F13B: variants seen among roughly 807,000 people sequenced by gnomAD.
The protein encoded by F13B is TGase.
F13B carries 58 observed loss-of-function variants against 79.8 expected under a neutral mutation model. The ratio of observed to expected loss-of-function variants is 0.73; its 90% CI spans 0.59 to 0.90. The LOEUF (loss-of-function observed/expected upper bound fraction) is 0.90, where lower values mean the gene tolerates loss of function less well. F13B is among the 40% of genes least tolerant of loss of function. The probability of loss-of-function intolerance (pLI) is 0.00; values close to 1 mark genes in which losing one functional copy is unlikely to be tolerated. For synonymous variants in F13B, 283 were observed against 260.3 expected (o/e 1.09, Z -0.84); for missense variants, 773 against 777.0 (o/e 0.99, Z 0.06).
At position 197,039,380 on chromosome 1, in the gene F13B, A is replaced by G. The variant is rs760327325; in HGVS notation, c.1984T>C (p.Ter662GlnextTer2). Residue 662 changes from the stop codon to glutamine (Q), a stop_lost, in exon 12 of 12, where the codon TAG (stop) becomes CAG (glutamine). Transcript: ENST00000367412. ...ACTCCTCTTTCTGCCATTCATTTCT[A>G]TGTTCTTAAGGGTTCTTGATAAGAC... ...TLSYQEPLRT[*>Q] 8.7e-6 allele frequency: 14 copies of G among 1,609,986 alleles called. No individual in the cohort carries two copies. The highest frequency in any genetic ancestry group is 4.5e-5 in the East Asian group (2 of 44,664).
At chr1:197,058,672 ATAGT>A (rs1480248942) in intron 5 of F13B, among the ~76,000 whole-genome samples, 1 of 152,170 alleles carries the variant, frequency 6.6e-6, no homozygotes, top group Non-Finnish European at 1.5e-5. Context: ...GTCTGGATAG[ATAGT>A]TCCAGATAAT....
At chr1:197,040,312 G>T in intron 11 of F13B, 1 of 499,220 alleles carries the variant, frequency 2.0e-6, no homozygotes, top group Non-Finnish European at 3.6e-6. Flanking sequence ...AATGGCAAAC[G>T]TTGCTTTCAC....
rs780516724 is a variant in F13B at position 197,040,739 on chromosome 1, G to A, written c.1739-4C>T. The A allele has an allele frequency of 3.1e-6, 5 of 1,595,774 alleles. No individual in the cohort carries two copies. The South Asian group carries it at 4.5e-5, about 14-fold the overall frequency. The stretch of plus-strand genomic sequence containing the variant: ...GTAAAAGATAATGTGCATGGCTCTG[G>A]GAACAACAATTTAAAAAAAAAGAAA... On this transcript the variant is annotated splice_polypyrimidine_tract_variant and splice_region_variant and intron_variant, in intron 10 of 11. Transcript: ENST00000367412.
intron 10 of F13B, among the ~76,000 whole-genome samples, chr1:197,048,132 T>TTA (rs17514725): frequency 0.011 from 1,651 of 149,390 alleles, 33 homozygotes; most frequent in African/African-American, 0.036. Flanking sequence ...ACTTAAAATA[T>TTA]TATATATATA....
chr1:197,048,691 T>C (rs1655329893), intron 10 of F13B, among the ~76,000 whole-genome samples: 1 of 152,114 alleles, frequency 6.6e-6, no homozygotes, highest in Non-Finnish European at 1.5e-5. Context: ...GACTTTAACA[T>C]GCTTCTCTCC....
intron 10 of F13B, among the ~76,000 whole-genome samples, chr1:197,041,295 G>T (rs547428192): frequency 6.6e-6 from 1 of 152,166 alleles, no homozygotes; most frequent in African/African-American, 2.4e-5. Context: ...GGATTAAGAC[G>T]TTTTAAATTC....
intron 9 of F13B, 36 bp downstream of exon 9, chr1:197,052,598 A>G (rs1392865849): frequency 6.8e-7 from 1 of 1,469,378 alleles, no homozygotes. Flanking sequence ...GATATTGGTC[A>G]AGTAAAGATA....
intron 2 of F13B, among the ~76,000 whole-genome samples, chr1:197,062,501 A>C (rs1241820083): frequency 6.6e-6 from 1 of 152,176 alleles, no homozygotes; most frequent in East Asian, 1.9e-4. Context: ...TTGCCCTTCC[A>C]GAGGCCAGAG....
Position 197,060,918 on chromosome 1 carries a change from A to T in F13B, c.609T>A (p.Ser203=), listed in dbSNP as rs1236044704. 6.2e-7 allele frequency: 1 copy of T among 1,613,124 alleles called. No homozygotes were observed. Among genetic ancestry groups the T allele is most frequent in the Non-Finnish European group, 8.5e-7 (1 of 1,179,366 alleles). Reference sequence around the variant, plus strand: ...ACCTACTGGTACATTTTGGTGTGAGAGACCATCCGTATGTGAGACATTCTA... The same window carrying T: ...ACCTACTGGTACATTTTGGTGTGAGTGACCATCCGTATGTGAGACATTCTA... ...EEVECLTYGW[S]LTPKCTKLKC... The change falls in exon 4 of 12, where the codon TCT becomes TCA. Residue 203 remains serine (S), a synonymous_variant. Transcript: ENST00000367412.
intron 1 of F13B, among the ~76,000 whole-genome samples, chr1:197,065,248 C>T (rs1443183231): frequency 6.6e-6 from 1 of 152,152 alleles, no homozygotes; most frequent in Non-Finnish European, 1.5e-5. Flanking sequence ...GCTTTAAAGA[C>T]TCTCTGTCCT....
At position 197,060,405 on chromosome 1, in the gene F13B, A is replaced by T. The variant is rs760431630; in HGVS notation, c.766T>A (p.Tyr256Asn). Residue 256 changes from tyrosine (Y) to asparagine (N), a missense_variant, in exon 5 of 12, where the codon TAT becomes AAT. By Grantham distance (143) the Tyr-to-Asn change is moderately radical. Transcript: ENST00000367412. ...YLSGSDLIQC[Y>N]NFGWYPESPV... is the part of the protein sequence containing the mutation. ...GATTCTGGGTACCAACCAAAGTTAT[A>T]GCATTGAATTAAATCAGATCCACTT... 1 of 1,612,604 alleles carries T rather than the reference A, an allele frequency of 6.2e-7. No homozygotes were observed. Among genetic ancestry groups the T allele is most frequent in the Admixed American group, 1.7e-5 (1 of 59,924 alleles).
At position 197,059,201 on chromosome 1, in the gene F13B, G is replaced by A. The variant is rs574238572; in HGVS notation, c.805+1165C>T. Among the ~76,000 whole-genome samples the A allele has an allele frequency of 2.0e-5, 3 of 152,216 alleles. No individual in the cohort carries two copies. The East Asian group carries it at 5.8e-4, about 29-fold the overall frequency. On this transcript the variant is annotated intron_variant, in intron 5 of 11. Coordinates refer to ENST00000367412, the MANE Select transcript of F13B (RefSeq NM_001994.3). Reference sequence around the variant, plus strand: ...ACTGCACTCTAGCTTAGGCGACACAGCAGGACTCCATCTCAAAAAAATAAA... The same window carrying A: ...ACTGCACTCTAGCTTAGGCGACACAACAGGACTCCATCTCAAAAAAATAAA...
chr1:197,040,013 A>T (rs1458242386), intron 11 of F13B: 4 of 153,190 alleles, frequency 2.6e-5, no homozygotes, highest in Admixed American at 2.0e-4. Flanking sequence ...CATTTCTCTA[A>T]GAAAATTGTT....
Position 197,067,189 on chromosome 1 carries a change from A to G in F13B, c.35T>C (p.Leu12Ser), listed in dbSNP as rs1169927860. ...RLKNLTFIII[L>S]IISGELYAEE... ...TGCATAGAGTTCTCCTGAGATTATC[A>G]ATATGATGATAAAAGTCAGGTTTTT... is the stretch of plus-strand genomic sequence containing the variant. Residue 12 changes from leucine to serine, a missense_variant, in exon 1 of 12, where the codon TTG becomes TCG. By Grantham distance (145) the Leu-to-Ser change is moderately radical. Transcript: ENST00000367412. 4.4e-6 allele frequency: 7 copies of G among 1,608,258 alleles called. No individual in the cohort carries two copies. Among genetic ancestry groups the G allele is most frequent in the Non-Finnish European group, 6.0e-6 (7 of 1,175,342 alleles).
chr1:197,056,571 G>T (rs1655647583), intron 7 of F13B, among the ~76,000 whole-genome samples: 2 of 152,034 alleles, frequency 1.3e-5, no homozygotes, highest in Admixed American at 1.3e-4. Flanking sequence ...ATATCAGCAG[G>T]ACTTACCCAA....
chr1:197,062,749 C>G, intron 2 of F13B, 108 bp downstream of exon 2: 1 of 995,302 alleles, frequency 1.0e-6, no homozygotes, highest in Non-Finnish European at 1.6e-6. Context: ...TGATTTTGTT[C>G]TTATCTACTA....
At chr1:197,062,059 A>C (rs1482153994) in intron 2 of F13B, 90 bp from the exon 3 acceptor site, 1 of 1,115,038 alleles carries the variant, frequency 9.0e-7, no homozygotes, top group African/African-American at 1.5e-5. Flanking sequence ...TAATGTTATT[A>C]TTGGCGATTT....
intron 1 of F13B, among the ~76,000 whole-genome samples, chr1:197,063,801 A>G (rs1414537047): frequency 5.3e-5 from 8 of 152,098 alleles, no homozygotes; most frequent in Admixed American, 5.2e-4. Context: ...AATCCACTAC[A>G]TATTTATACT....
intron 5 of F13B, among the ~76,000 whole-genome samples, chr1:197,060,108 T>C (rs1481162245): frequency 6.6e-6 from 1 of 152,030 alleles, no homozygotes; most frequent in Non-Finnish European, 1.5e-5. Context: ...TAATAAGGGA[T>C]TTAAAATGTA....
Sources: gnomAD v4.1 joint callset for allele counts (sites outside exome capture counted in the v4.1 genomes callset) on GRCh38, gnomAD v4.1.1 for gene constraint, MANE v1.5 for transcripts, NCBI Gene and HGNC (gene_info 2026-07-23, HGNC 2026-07-21) for gene names.